The following CSMD1 variants were observed in gnomAD, a reference collection of about 807,000 sequenced individuals.
CSMD1 encodes the protein CUB and Sushi multiple domains 1, also known as CUB and sushi domain-containing protein 1.
CSMD1 carries 213 observed loss-of-function variants against 417.5 expected under a neutral mutation model. That is an observed-to-expected ratio of 0.51 (90% CI 0.46 to 0.57). CSMD1 has a LOEUF of 0.57. CSMD1 is among the 20% of genes least tolerant of loss of function. The pLI, the probability that CSMD1 is intolerant of heterozygous loss-of-function variation, is 0.00. For missense variants in CSMD1, 6,923 were observed against 4,529.7 expected (o/e 1.53, Z -15.17); for synonymous variants, 2,862 against 1,736.8 (o/e 1.65, Z -16.11).
rs145007958 is a variant in CSMD1, at chr8:4,675,899, C to T, written c.86-38341G>A. On this transcript the variant is annotated intron_variant, in intron 1 of 69. Transcript: ENST00000635120. ...AACAAAAAGTATCTAAACTATCATA[C>T]TAGTAGAAAAAGAGAAAAATAAACG... Among the ~76,000 whole-genome samples, 847 of 152,172 alleles carry T rather than the reference C, an allele frequency of 5.6e-3. 4 individuals are homozygous for T. The highest frequency in any genetic ancestry group is 0.01 in the African/African-American group (433 of 41,534).
intron 3 of CSMD1, among the ~76,000 whole-genome samples, chr8:4,246,499 GA>G (rs1157785392): frequency 2.0e-5 from 3 of 152,254 alleles, no homozygotes; most frequent in Admixed American, 1.3e-4. Context: ...AGTTTTTAAA[GA>G]AAATTGTAAG....
chr8:4,348,690 G>A (rs958886343), intron 3 of CSMD1, among the ~76,000 whole-genome samples: 1 of 151,636 alleles, frequency 6.6e-6, no homozygotes, highest in Non-Finnish European at 1.5e-5. Context: ...GTACATATCC[G>A]CTTAAGTGAA....
At chr8:4,747,435 G>C (rs544981096) in intron 1 of CSMD1, among the ~76,000 whole-genome samples, 1 of 152,202 alleles carries the variant, frequency 6.6e-6, no homozygotes, top group Non-Finnish European at 1.5e-5. Context: ...TTAAAAGGTG[G>C]TACTTATGTC....
At chr8:4,968,168 T>C (rs1319451818) in intron 1 of CSMD1, among the ~76,000 whole-genome samples, 1 of 152,258 alleles carries the variant, frequency 6.6e-6, no homozygotes, top group Middle Eastern at 3.4e-3. Flanking sequence ...ACTTCTGAAA[T>C]AGGATAATTT....
chr8:3,671,376 C>A (rs1431866136), intron 7 of CSMD1, among the ~76,000 whole-genome samples: 6 of 147,140 alleles, frequency 4.1e-5, no homozygotes, highest in African/African-American at 1.5e-4. Flanking sequence ...TGCCTGAAAA[C>A]TTTTATATCT....
At chr8:4,345,975 T>A (rs1364807333) in intron 3 of CSMD1, among the ~76,000 whole-genome samples, 5 of 152,150 alleles carry the variant, frequency 3.3e-5, no homozygotes, top group African/African-American at 1.2e-4. Context: ...TGACTAGATA[T>A]CATTTGGAAT....
At chr8:4,483,234 C>T (rs940160587) in intron 2 of CSMD1, among the ~76,000 whole-genome samples, 5 of 152,186 alleles carry the variant, frequency 3.3e-5, no homozygotes, top group South Asian at 2.1e-4. Flanking sequence ...TTTCACCTTC[C>T]ACCATGACTG....
chr8:3,822,376 G>A (rs1049767238), intron 5 of CSMD1, among the ~76,000 whole-genome samples: 2 of 151,846 alleles, frequency 1.3e-5, no homozygotes, highest in Middle Eastern at 3.4e-3. Context: ...TATCTATGAA[G>A]CAAGCAGTAA....
At chr8:3,753,797 A>C (rs1458228153) in intron 6 of CSMD1, 133 bp downstream of exon 6, 8 of 578,084 alleles carry the variant, frequency 1.4e-5, no homozygotes, top group Non-Finnish European at 1.2e-5. Flanking sequence ...TGATTTCCAA[A>C]GATAACTGTG....
intron 3 of CSMD1, among the ~76,000 whole-genome samples, chr8:4,040,186 G>A (rs1006437155): frequency 6.6e-6 from 1 of 152,192 alleles, no homozygotes; most frequent in Non-Finnish European, 1.5e-5. Context: ...TAATGGAAGT[G>A]AAGGAGAAGG....
chr8:3,533,959 A>C (rs1045201595), intron 10 of CSMD1, among the ~76,000 whole-genome samples: 2 of 152,224 alleles, frequency 1.3e-5, no homozygotes, highest in Non-Finnish European at 2.9e-5. Flanking sequence ...ATAAGAGGGC[A>C]CATGAAACAA....
chr8:4,840,812 G>A (rs1403196831), intron 1 of CSMD1, among the ~76,000 whole-genome samples: 1 of 152,074 alleles, frequency 6.6e-6, no homozygotes, highest in Non-Finnish European at 1.5e-5. Context: ...ATACCAGGTA[G>A]GATTAAGTAT....
intron 3 of CSMD1, among the ~76,000 whole-genome samples, chr8:4,198,464 G>C (rs538142318): frequency 6.6e-6 from 1 of 152,262 alleles, no homozygotes; most frequent in African/African-American, 2.4e-5. Flanking sequence ...TATGGATTTG[G>C]GGGATGAGAA....
At chr8:3,544,841 G>C (rs1281547713) in intron 10 of CSMD1, among the ~76,000 whole-genome samples, 1 of 152,168 alleles carries the variant, frequency 6.6e-6, no homozygotes, top group Non-Finnish European at 1.5e-5. Context: ...ACACGTGCTA[G>C]TCCAAGATGC....
rs112707654 is a variant in CSMD1, at chr8:4,940,633, G to T, written c.85+53699C>A. ...TATTTCTGGGACAAATTCTCACTTA[G>T]GCATTAGAGGTTCTTACGTTCTTTA... On this transcript the variant is annotated intron_variant, in intron 1 of 69. Transcript: ENST00000635120. Among the ~76,000 whole-genome samples the T allele has an allele frequency of 9.0e-3, 1,372 of 152,236 alleles. 22 individuals carry two copies. Among genetic ancestry groups the T allele is most frequent in the African/African-American group, 0.028 (1,160 of 41,536 alleles).
chr8:3,676,658 G>C (rs917123976), intron 7 of CSMD1, among the ~76,000 whole-genome samples: 1 of 152,164 alleles, frequency 6.6e-6, no homozygotes, highest in Non-Finnish European at 1.5e-5. Context: ...CATGTGGGTA[G>C]AGTATATGAA....
chr8:4,187,312 C>G (rs964031367), intron 3 of CSMD1, among the ~76,000 whole-genome samples: 1 of 152,018 alleles, frequency 6.6e-6, no homozygotes, highest in Non-Finnish European at 1.5e-5. Flanking sequence ...AAAGGACAAC[C>G]CACTAGGATG....
chr8:4,358,248 T>A lies in CSMD1; in HGVS notation c.415+61705A>T, dbSNP rs532813076. On this transcript the variant is annotated intron_variant, in intron 3 of 69. Transcript: ENST00000635120. ...CAAATGAATGTCACTGTGGGGCTTG[T>A]TGAACTTTTGCTTTACCAGTGGGTG... is the stretch of plus-strand genomic sequence containing the variant. Among the ~76,000 whole-genome samples the A allele has an allele frequency of 4.3e-4, 65 of 152,360 alleles. 1 individual carries two copies. The South Asian group carries it at 7.9e-3, about 18-fold the overall frequency.
At chr8:3,444,360 C>G (rs1585173954) in intron 12 of CSMD1, among the ~76,000 whole-genome samples, 1 of 152,136 alleles carries the variant, frequency 6.6e-6, no homozygotes, top group East Asian at 1.9e-4. Context: ...ATTTTAGCAT[C>G]AACAAAGATA....
Sources: gnomAD v4.1 joint callset for allele counts (sites outside exome capture counted in the v4.1 genomes callset) on GRCh38, gnomAD v4.1.1 for gene constraint, MANE v1.5 for transcripts, NCBI Gene and HGNC (gene_info 2026-07-23, HGNC 2026-07-21) for gene names.